TCF20: variants seen among roughly 807,000 people sequenced by gnomAD.
TCF20 encodes the protein SPRE-binding protein.
In TCF20, 3 loss-of-function variants were observed where a neutral mutation model predicts 148.6. The ratio of observed to expected loss-of-function variants is 0.02; its 90% CI spans 0.01 to 0.05. TCF20 has a LOEUF of 0.05. Ranked by LOEUF, TCF20 falls within the 10% of genes least tolerant of loss-of-function variation. TCF20 has a pLI of 1.00. For synonymous variants in TCF20, 1,049 were observed against 909.5 expected, an observed-to-expected ratio of 1.15 and a Z score of -2.76; for missense variants, 2,350 against 2,429.3, an observed-to-expected ratio of 0.97 and a Z score of 0.69.
chr22:42,232,721 C>T (rs113258911), intron 1 of TCF20, among the ~76,000 whole-genome samples: 14 of 151,588 alleles, frequency 9.2e-5, no homozygotes, highest in African/African-American at 3.1e-4. Context: ...GTCCCAGCAA[C>T]CCGGGAGGCG....
At chr22:42,192,190 G>A (rs900835709) in intron 2 of TCF20, among the ~76,000 whole-genome samples, 1 of 152,106 alleles carries the variant, frequency 6.6e-6, no homozygotes, top group African/African-American at 2.4e-5. Flanking sequence ...ATTACTGGAA[G>A]CTGCTTATTC....
At chr22:42,337,918 G>C (rs1928093684) in intron 1 of TCF20, among the ~76,000 whole-genome samples, 1 of 152,214 alleles carries the variant, frequency 6.6e-6, no homozygotes, top group African/African-American at 2.4e-5. Flanking sequence ...TCCAAATCCA[G>C]AATGGGCCTG....
intron 1 of TCF20, among the ~76,000 whole-genome samples, chr22:42,294,110 TG>T (rs1199630786): frequency 6.6e-6 from 1 of 152,092 alleles, no homozygotes; most frequent in Admixed American, 6.5e-5. Flanking sequence ...GCCTGGGAAG[TG>T]GGAACATCCC....
chr22:42,166,514 C>T (rs369157563), intron 5 of TCF20, among the ~76,000 whole-genome samples: 10 of 150,978 alleles, frequency 6.6e-5, no homozygotes, highest in East Asian at 3.9e-4. Context: ...AGGGCTGAGG[C>T]GGGAGAATCG....
chr22:42,213,105 C>A lies in TCF20; in HGVS notation c.2201G>T (p.Gly734Val), dbSNP rs1369104283. The A allele has an allele frequency of 6.2e-7, 1 of 1,614,158 alleles. No homozygotes were observed. Among genetic ancestry groups the A allele is most frequent in the South Asian group, 1.1e-5 (1 of 91,086 alleles). Residue 734 changes from glycine (G) to valine (V), a missense_variant, in exon 2 of 6, where the codon GGA becomes GTA. By Grantham distance (109) the Gly-to-Val change is moderately radical. This residue lies in a region of TCF20 where 1,641 missense variants were observed against 1,662.6 expected (regional missense o/e 0.99). Coordinates refer to ENST00000677622, the MANE Select transcript of TCF20 (RefSeq NM_001378418.1). ...FPQYPTGQEK[G>V]DFTGHGERKG... ...TCGTTCCCCATGGCCAGTGAAATCT[C>A]CCTTTTCTTGCCCTGTAGGATACTG...
chr22:42,294,135 T>A (rs1386014329), intron 1 of TCF20, among the ~76,000 whole-genome samples: 1 of 152,004 alleles, frequency 6.6e-6, no homozygotes, highest in Non-Finnish European at 1.5e-5. Flanking sequence ...AGGGCCAGCC[T>A]CACAGTGGGG....
chr22:42,338,420 AG>A lies in TCF20; in HGVS notation c.-37+5058del, dbSNP rs928621011. On this transcript the variant is annotated intron_variant, in intron 1 of 1. Transcript: ENST00000515426. The surrounding 1 kb of genome is among the most constrained non-coding windows in gnomAD (Gnocchi z 4.0). ...GCTTAAATGGCAGCGCAGAGTCGGG[AG>A]GGGGGTGCCCAGGGGGCCTCAGCAG... is the stretch of plus-strand genomic sequence containing the variant. 2.5e-4 allele frequency among the ~76,000 whole-genome samples: 3 copies of A among 11,938 alleles called. No homozygotes were observed. The highest frequency in any genetic ancestry group is 4.1e-4 in the African/African-American group (1 of 2,438). The allele number at this position is 11,938 out of a possible 152,430, so 7.8% of individuals were successfully genotyped here. A position where few individuals can be genotyped will look rare whatever the true frequency, so the allele number is the denominator to read the frequency against.
At chr22:42,207,320 G>A (rs377244485) in intron 2 of TCF20, among the ~76,000 whole-genome samples, 20 of 151,410 alleles carry the variant, frequency 1.3e-4, no homozygotes, top group African/African-American at 4.4e-4. Flanking sequence ...TGCATCTCTA[G>A]ACAGGAAATC....
Position 42,213,145 on chromosome 22 carries a change from C to CA in TCF20, c.2160dup (p.Val721CysfsTer25). The CA allele has an allele frequency of 6.2e-7, 1 of 1,614,204 alleles. No individual in the cohort carries two copies. On this transcript the variant is annotated frameshift_variant, in exon 2 of 6. Coordinates refer to ENST00000677622, the MANE Select transcript of TCF20 (RefSeq NM_001378418.1). LOFTEE classifies it high-confidence loss of function. ...GTAGGATACTGAGGAAAGCCACTGA[C>CA]ATTTCGTGGCACGGCTGACCCGAAA...
chr22:42,289,613 C>T (rs971566523), intron 1 of TCF20, among the ~76,000 whole-genome samples: 1 of 152,202 alleles, frequency 6.6e-6, no homozygotes, highest in Non-Finnish European at 1.5e-5. Context: ...GAAGCTGCAA[C>T]TCCAATGTGG....
At chr22:42,209,507 C>T (rs1295199251) in intron 2 of TCF20, 144 bp downstream of exon 2, 2 of 950,378 alleles carry the variant, frequency 2.1e-6, no homozygotes, top group Non-Finnish European at 3.1e-6. Flanking sequence ...TTCCAAATTA[C>T]CTATTTCATT....
chr22:42,222,663 A>G (rs5758657), intron 1 of TCF20, among the ~76,000 whole-genome samples: 27,650 of 152,062 alleles, frequency 0.18, 2,729 homozygotes, highest in East Asian at 0.34. Flanking sequence ...TTGCCACATG[A>G]GATCATATGG....
intron 3 of TCF20, 101 bp from the exon 4 acceptor site, chr22:42,169,997 T>G: frequency 8.8e-7 from 1 of 1,141,058 alleles, no homozygotes; most frequent in Non-Finnish European, 1.3e-6. Flanking sequence ...AGGTAGCAGG[T>G]CGCTACACTT....
At chr22:42,199,844 CAA>C (rs566204437) in intron 2 of TCF20, among the ~76,000 whole-genome samples, 15 of 95,534 alleles carry the variant, frequency 1.6e-4, no homozygotes, top group Admixed American at 2.3e-4. Context: ...TGACTCTGTC[CAA>C]AAAAAAAAAA....
intron 1 of TCF20, among the ~76,000 whole-genome samples, chr22:42,283,503 C>CA (rs1926957573): frequency 6.6e-6 from 1 of 152,176 alleles, no homozygotes; most frequent in Admixed American, 6.5e-5. Context: ...GCTCCCCGAG[C>CA]AGCCCCCTCG....
chr22:42,204,427 G>A (rs910730986), intron 2 of TCF20, among the ~76,000 whole-genome samples: 10 of 152,252 alleles, frequency 6.6e-5, no homozygotes, highest in South Asian at 2.1e-4. Flanking sequence ...TACAGGAGGC[G>A]GAGGTTGCCG....
intron 1 of TCF20, among the ~76,000 whole-genome samples, chr22:42,242,218 A>AAAAAAAAAACAAAAAAAAAC (rs781477457): frequency 7.0e-6 from 1 of 142,582 alleles, no homozygotes; most frequent in African/African-American, 2.8e-5. Flanking sequence ...AAAAAAAAAA[A>AAAAAAAAAACAAAAAAAAAC]AAAAAAAAAC....
Position 42,215,351 on chromosome 22 carries a change from G to A in TCF20, c.-36-10C>T. 1 of 1,553,416 alleles carries A rather than the reference G, an allele frequency of 6.4e-7. No homozygotes were observed. The highest frequency in any genetic ancestry group is 8.7e-7 in the Non-Finnish European group (1 of 1,152,560). On this transcript the variant is annotated splice_polypyrimidine_tract_variant and intron_variant, in intron 1 of 5. Transcript: ENST00000677622. ...CAGGCCAACAGCCCTCCTAGAAATA[G>A]AAGAAAGAAAAACATTAGACACGCA...
At position 42,171,820 on chromosome 22, in the gene TCF20, G is replaced by A. The variant is rs561230046; in HGVS notation, c.5750-1924C>T. On this transcript the variant is annotated intron_variant, in intron 3 of 5. Transcript: ENST00000677622. ...GCCAAACAGAAACAGTACAGCACAC[G>A]TGGGGCTGGGCCACGCTTACGCCAC... Among the ~76,000 whole-genome samples, 12 of 152,280 alleles carry A rather than the reference G, an allele frequency of 7.9e-5. 1 individual carries two copies. Among genetic ancestry groups the A allele is most frequent in the South Asian group, 6.2e-4 (3 of 4,822 alleles).
Sources: allele counts gnomAD v4.1 joint callset (sites outside exome capture counted in the v4.1 genomes callset), GRCh38; gene constraint gnomAD v4.1.1; regional missense constraint gnomAD v4.1.1; non-coding constraint Gnocchi (gnomAD v3.1); transcripts MANE v1.5; gene names NCBI Gene and HGNC (gene_info 2026-07-23, HGNC 2026-07-21).